Variants in AP4S1 observed in about 807,000 individuals in gnomAD.
The protein encoded by AP4S1 is adaptor related protein complex 4 subunit sigma 1, also known as AP-4 complex subunit sigma-1.
In AP4S1, 23 loss-of-function variants were observed where a neutral mutation model predicts 19.8. The ratio of observed to expected loss-of-function variants is 1.16; its 90% CI spans 0.84 to 1.65. The LOEUF is 1.65. Among genes scored for constraint, AP4S1 ranks in the 40% most tolerant of loss-of-function variants. The pLI is 0.00. For synonymous variants in AP4S1, 46 were observed against 54.1 expected, an observed-to-expected ratio of 0.85 and a Z score of 0.66; for missense variants, 166 against 172.8, an observed-to-expected ratio of 0.96 and a Z score of 0.22.
At chr14:31,061,013 C>A (rs1886407949) in intron 1 of AP4S1, among the ~76,000 whole-genome samples, 1 of 152,126 alleles carries the variant, frequency 6.6e-6, no homozygotes, top group South Asian at 2.1e-4. Context: ...CCTCAGCCTC[C>A]TGAGTAGCTG....
chr14:31,076,118 C>T (rs141179743), intron 4 of AP4S1, among the ~76,000 whole-genome samples: 1 of 152,294 alleles, frequency 6.6e-6, no homozygotes, highest in African/African-American at 2.4e-5. Context: ...AAATAATGCT[C>T]ATATGAACAT....
chr14:31,082,766 G>C (rs1168379901), intron 5 of AP4S1, among the ~76,000 whole-genome samples: 1 of 152,052 alleles, frequency 6.6e-6, no homozygotes. Flanking sequence ...CGCGGTGGCG[G>C]GCGCCTGTAG....
intron 5 of AP4S1, among the ~76,000 whole-genome samples, chr14:31,083,958 C>T (rs1352787590): frequency 6.6e-6 from 1 of 152,194 alleles, no homozygotes; most frequent in Non-Finnish European, 1.5e-5. Flanking sequence ...GCAGTTCCTG[C>T]TCCATCTGTG....
chr14:31,040,352 C>G (rs1885040889), intron 1 of AP4S1, among the ~76,000 whole-genome samples: 1 of 152,008 alleles, frequency 6.6e-6, no homozygotes, highest in African/African-American at 2.4e-5. Flanking sequence ...GGGGTTTCGC[C>G]ATATTGCTCA....
chr14:31,078,353 G>A (rs1887475349), intron 4 of AP4S1, among the ~76,000 whole-genome samples: 1 of 152,218 alleles, frequency 6.6e-6, no homozygotes, highest in African/African-American at 2.4e-5. Flanking sequence ...CACTTGAAAT[G>A]CAGTTAGTAT....
chr14:31,076,036 G>A (rs1475703957), intron 4 of AP4S1, among the ~76,000 whole-genome samples: 2 of 152,030 alleles, frequency 1.3e-5, no homozygotes, highest in African/African-American at 2.4e-5. Flanking sequence ...ACGCCTGGCC[G>A]GATATACCAA....
chr14:31,060,025 A>G (rs1480888959), intron 1 of AP4S1, among the ~76,000 whole-genome samples: 3 of 146,926 alleles, frequency 2.0e-5, no homozygotes, highest in Non-Finnish European at 3.0e-5. Flanking sequence ...ATGTATATAT[A>G]TTTATGTATA....
intron 1 of AP4S1, among the ~76,000 whole-genome samples, chr14:31,064,396 A>G (rs1886604887): frequency 6.6e-6 from 1 of 152,072 alleles, no homozygotes; most frequent in Admixed American, 6.6e-5. Context: ...ATTTCAGCTC[A>G]CTGCAACCTC....
At chr14:31,035,850 CT>C (rs61278505) in intron 1 of AP4S1, among the ~76,000 whole-genome samples, 49,934 of 151,480 alleles carry the variant, frequency 0.33, 8,881 homozygotes, top group South Asian at 0.47. Context: ...CTGCCTCAGC[CT>C]TCCCGAGTAG....
chr14:31,060,691 G>T (rs1369142194), intron 1 of AP4S1, among the ~76,000 whole-genome samples: 1 of 152,148 alleles, frequency 6.6e-6, no homozygotes, highest in Non-Finnish European at 1.5e-5. Context: ...TGCATAGTGG[G>T]ACCCACCCTC....
At chr14:31,065,306 C>A (rs563438328) in intron 1 of AP4S1, among the ~76,000 whole-genome samples, 11 of 152,320 alleles carry the variant, frequency 7.2e-5, no homozygotes, top group African/African-American at 2.6e-4. Flanking sequence ...TCATTCTTCA[C>A]GACCTCACAT....
intron 1 of AP4S1, among the ~76,000 whole-genome samples, chr14:31,064,363 C>T (rs1190056804): frequency 6.6e-6 from 1 of 152,148 alleles, no homozygotes; most frequent in Non-Finnish European, 1.5e-5. Context: ...ATTCTCCTCC[C>T]TTAGCTGGAG....
At chr14:31,039,034 C>T (rs535066039) in intron 1 of AP4S1, among the ~76,000 whole-genome samples, 1 of 150,494 alleles carries the variant, frequency 6.6e-6, no homozygotes, top group Admixed American at 6.6e-5. Flanking sequence ...TTTTTTGAGA[C>T]GGTCTTGCTC....
At chr14:31,081,845 T>C (rs1226165295) in intron 5 of AP4S1, among the ~76,000 whole-genome samples, 1 of 151,770 alleles carries the variant, frequency 6.6e-6, no homozygotes, top group East Asian at 1.9e-4. Context: ...TAGTGTCTGA[T>C]GTGTATATAT....
At position 31,093,275 on chromosome 14, in the gene AP4S1, A is replaced by G. The variant is rs1433206866; in HGVS notation, c.*240A>G. Reference sequence around the variant, plus strand: ...GAGAGAAGTTTTATTTTCTAATTGTAAACATATCTGTCGCACTTTAAATTC... The same window carrying G: ...GAGAGAAGTTTTATTTTCTAATTGTGAACATATCTGTCGCACTTTAAATTC... On this transcript the variant is annotated 3_prime_UTR_variant, in exon 6 of 6. Transcript: ENST00000542754. 2 of 336,654 alleles carry G rather than the reference A, an allele frequency of 5.9e-6. No homozygotes were observed. The highest frequency in any genetic ancestry group is 1.1e-5 in the Non-Finnish European group (2 of 188,244). 20.9% of individuals were successfully genotyped at this position (336,654 alleles called of 1,614,324 possible).
Position 31,093,083 on chromosome 14 carries a change from C to G in AP4S1, c.*48C>G. The G allele has an allele frequency of 6.6e-7, 1 of 1,526,046 alleles. No individual in the cohort carries two copies. Among genetic ancestry groups the G allele is most frequent in the Non-Finnish European group, 8.8e-7 (1 of 1,136,474 alleles). 94.5% of individuals were successfully genotyped at this position (1,526,046 alleles called of 1,614,324 possible). ...ATGGATTTATCAGAAATGCGAGTAC[C>G]GTGGAATACATCTCAACATGTTAAC... On this transcript the variant is annotated 3_prime_UTR_variant, in exon 6 of 6. Coordinates refer to ENST00000542754, the MANE Select transcript of AP4S1 (RefSeq NM_001128126.3).
intron 1 of AP4S1, among the ~76,000 whole-genome samples, chr14:31,060,427 G>A (rs1160027635): frequency 6.6e-6 from 1 of 152,176 alleles, no homozygotes; most frequent in Non-Finnish European, 1.5e-5. Flanking sequence ...GTAGACCAGC[G>A]CCTTTGCTAA....
chr14:31,062,843 C>T (rs1886511982), intron 1 of AP4S1, among the ~76,000 whole-genome samples: 1 of 151,774 alleles, frequency 6.6e-6, no homozygotes, highest in Non-Finnish European at 1.5e-5. Context: ...GGTGGGCACC[C>T]GTAGTCCCAG....
intron 1 of AP4S1, among the ~76,000 whole-genome samples, chr14:31,054,046 A>C (rs925960218): frequency 3.3e-5 from 5 of 152,170 alleles, no homozygotes; most frequent in Non-Finnish European, 7.3e-5. Flanking sequence ...ACTTTTTTAA[A>C]GGAAAAGTTA....
Sources: allele counts gnomAD v4.1 joint callset (sites outside exome capture counted in the v4.1 genomes callset), GRCh38; gene constraint gnomAD v4.1.1; transcripts MANE v1.5; gene names NCBI Gene and HGNC (gene_info 2026-07-23, HGNC 2026-07-21).